Variants in GLDC observed in about 807,000 individuals in gnomAD.
GLDC encodes glycine dehydrogenase (decarboxylating), mitochondrial.
GLDC carries 104 observed loss-of-function variants against 121.3 expected under a neutral mutation model. The ratio of observed to expected loss-of-function variants is 0.86; its 90% CI spans 0.73 to 1.01. The LOEUF is 1.01. GLDC is among the 50% of genes least tolerant of loss of function. GLDC has a pLI of 0.00. For missense variants in GLDC, 1,429 were observed against 1,306.6 expected, an observed-to-expected ratio of 1.09 and a Z score of -1.44; for synonymous variants, 546 against 480.6, an observed-to-expected ratio of 1.14 and a Z score of -1.78.
intron 3 of GLDC, among the ~76,000 whole-genome samples, chr9:6,618,780 C>T (rs1587971360): frequency 6.6e-6 from 1 of 151,890 alleles, no homozygotes; most frequent in African/African-American, 2.4e-5. Context: ...ACACACACAC[C>T]ACACAATCAG....
At chr9:6,609,599 A>G (rs1328431376) in intron 4 of GLDC, among the ~76,000 whole-genome samples, 2 of 151,848 alleles carry the variant, frequency 1.3e-5, no homozygotes, top group Non-Finnish European at 2.9e-5. Context: ...TCTGACCCAC[A>G]CCTGCCCTTG....
At chr9:6,545,620 ATAAAT>A (rs1347672433) in intron 21 of GLDC, among the ~76,000 whole-genome samples, 16 of 152,298 alleles carry the variant, frequency 1.1e-4, no homozygotes, top group Admixed American at 3.3e-4. Context: ...TTCTTCAATA[ATAAAT>A]TAACCTTAGC....
chr9:6,535,083 T>A (rs1384833619), intron 23 of GLDC, among the ~76,000 whole-genome samples: 1 of 152,194 alleles, frequency 6.6e-6, no homozygotes, highest in Non-Finnish European at 1.5e-5. Context: ...TATATCCCCA[T>A]CCCAGTGCTA....
intron 21 of GLDC, among the ~76,000 whole-genome samples, chr9:6,542,608 G>A (rs147855062): frequency 4.4e-4 from 67 of 152,156 alleles, no homozygotes; most frequent in East Asian, 2.9e-3. Flanking sequence ...AAATTCAGCC[G>A]GGCATGGTAG....
intron 15 of GLDC, among the ~76,000 whole-genome samples, chr9:6,570,236 A>C (rs1030089535): frequency 1.3e-5 from 2 of 152,244 alleles, no homozygotes; most frequent in African/African-American, 2.4e-5. Context: ...TGTGTTCTCA[A>C]ATAGAATGTT....
At chr9:6,628,199 A>G (rs1819287392) in intron 2 of GLDC, among the ~76,000 whole-genome samples, 1 of 152,220 alleles carries the variant, frequency 6.6e-6, no homozygotes, top group Admixed American at 6.5e-5. Flanking sequence ...TCTAGAGGAA[A>G]CAGTATGGGG....
chr9:6,567,878 A>C (rs1817882761), intron 15 of GLDC, among the ~76,000 whole-genome samples: 1 of 152,216 alleles, frequency 6.6e-6, no homozygotes, highest in Admixed American at 6.5e-5. Flanking sequence ...TATATTCTTC[A>C]ACAGGGAATA....
At chr9:6,611,264 T>A (rs766045565) in intron 3 of GLDC, among the ~76,000 whole-genome samples, 24 of 152,252 alleles carry the variant, frequency 1.6e-4, no homozygotes, top group Admixed American at 1.3e-4. Flanking sequence ...TTAGCCAATT[T>A]AGTTCCTTCA....
chr9:6,564,791 T>G (rs972836845), intron 16 of GLDC, among the ~76,000 whole-genome samples: 1 of 152,238 alleles, frequency 6.6e-6, no homozygotes, highest in Non-Finnish European at 1.5e-5. Context: ...CAAGAGGCGA[T>G]TGGGATCCTG....
intron 23 of GLDC, 110 bp downstream of exon 23, chr9:6,535,954 T>C: frequency 2.1e-6 from 2 of 941,868 alleles, no homozygotes; most frequent in Non-Finnish European, 3.5e-6. Flanking sequence ...TACCTTATTC[T>C]AGGGAAGAGT....
At chr9:6,593,268 G>GATATATATATATATAT (rs34438524) in intron 9 of GLDC, among the ~76,000 whole-genome samples, 15 of 143,940 alleles carry the variant, frequency 1.0e-4, no homozygotes, top group African/African-American at 3.6e-4. Flanking sequence ...GGTAGTATCA[G>GATATATATATATATAT]ATATATATAT....
At chr9:6,629,958 T>TGTGTGTATATA in intron 2 of GLDC, among the ~76,000 whole-genome samples, 5 of 78,658 alleles carry the variant, frequency 6.4e-5, no homozygotes, top group African/African-American at 3.0e-4. Flanking sequence ...TATATATATA[T>TGTGTGTATATA]TTTTTTTTTT....
intron 1 of GLDC, 92 bp from the exon 2 acceptor site, chr9:6,644,784 T>A: frequency 1.2e-6 from 1 of 847,428 alleles, no homozygotes; most frequent in Non-Finnish European, 2.0e-6. Flanking sequence ...GGGAACCTCA[T>A]TGAAATCGCC....
chr9:6,567,460 G>C (rs569226649), intron 15 of GLDC: 15 of 152,338 alleles, frequency 9.8e-5, no homozygotes, highest in African/African-American at 3.1e-4. Context: ...GGGCAGATGT[G>C]ATGTGTAGTG....
At chr9:6,611,822 A>G (rs1353132622) in intron 3 of GLDC, among the ~76,000 whole-genome samples, 1 of 152,162 alleles carries the variant, frequency 6.6e-6, no homozygotes, top group Non-Finnish European at 1.5e-5. Context: ...ACTAGATTGT[A>G]TGTGTGTATT....
intron 3 of GLDC, among the ~76,000 whole-genome samples, chr9:6,617,232 T>G (rs1031946650): frequency 1.3e-5 from 2 of 152,142 alleles, no homozygotes; most frequent in Non-Finnish European, 2.9e-5. Flanking sequence ...CTGGTTCAGA[T>G]CAGCTTTCAG....
Position 6,588,392 on chromosome 9 carries a change from G to T in GLDC, c.1707+9C>A. The T allele has an allele frequency of 6.2e-7, 1 of 1,603,162 alleles. No individual in the cohort carries two copies. Among genetic ancestry groups the T allele is most frequent in the Non-Finnish European group, 8.5e-7 (1 of 1,170,088 alleles). Reference sequence around the variant, plus strand: ...GCTGAGTATCCACTTACAGAAGTGAGCTACTTACTGCGAGTTCAGACGAAC... The same window carrying T: ...GCTGAGTATCCACTTACAGAAGTGATCTACTTACTGCGAGTTCAGACGAAC... On this transcript the variant is annotated intron_variant, in intron 14 of 24. Transcript: ENST00000321612.
At chr9:6,624,961 C>T (rs1318363599) in intron 2 of GLDC, among the ~76,000 whole-genome samples, 4 of 150,650 alleles carry the variant, frequency 2.7e-5, no homozygotes, top group East Asian at 2.0e-4. Context: ...GCACTCCAAC[C>T]GGGGCAACAG....
intron 15 of GLDC, among the ~76,000 whole-genome samples, chr9:6,575,228 A>C (rs998600217): frequency 6.6e-6 from 1 of 150,516 alleles, no homozygotes; most frequent in Admixed American, 6.6e-5. Context: ...AAAAAAAAAA[A>C]CAAACCCCAA....
Sources: allele counts gnomAD v4.1 joint callset (sites outside exome capture counted in the v4.1 genomes callset), GRCh38; gene constraint gnomAD v4.1.1; transcripts MANE v1.5; gene names NCBI Gene and HGNC (gene_info 2026-07-23, HGNC 2026-07-21).